The following ZBTB4 variants were observed in gnomAD, a reference collection of about 807,000 sequenced individuals.
ZBTB4 encodes zinc finger and BTB domain containing 4, also known as zinc finger and BTB domain-containing protein 4.
ZBTB4 carries 14 observed loss-of-function variants against 59.8 expected under a neutral mutation model. That is an observed-to-expected ratio of 0.23 (90% CI 0.15 to 0.37). ZBTB4 has a LOEUF of 0.37. Ranked by LOEUF, ZBTB4 falls within the 10% of genes least tolerant of loss-of-function variation. The probability of loss-of-function intolerance (pLI) is 1.00; values close to 1 mark genes in which losing one functional copy is unlikely to be tolerated. For synonymous variants in ZBTB4, 587 were observed against 575.2 expected (o/e 1.02, Z -0.29); for missense variants, 1,198 against 1,380.8 (o/e 0.87, Z 2.10).
At chr17:7,472,343 A>G (rs540631441) in intron 1 of ZBTB4, among the ~76,000 whole-genome samples, 7 of 152,112 alleles carry the variant, frequency 4.6e-5, no homozygotes, top group Admixed American at 3.3e-4. Flanking sequence ...GGCGCCTGCC[A>G]CCACGTCCGG....
chr17:7,481,425 C>A (rs1194951789), upstream of ZBTB4: 2 of 1,375,160 alleles, frequency 1.5e-6, no homozygotes, highest in Non-Finnish European at 1.9e-6. Context: ...CAGGGAAGAA[C>A]CCCACCCCCA....
upstream of ZBTB4, chr17:7,483,104 G>A (rs1196427513): frequency 1.9e-6 from 3 of 1,549,430 alleles, no homozygotes; most frequent in East Asian, 7.1e-5. Context: ...AACTGGTGTG[G>A]GAGAGGGATA....
intron 1 of ZBTB4, among the ~76,000 whole-genome samples, chr17:7,476,687 C>T (rs1396113137): frequency 6.6e-6 from 1 of 152,188 alleles, no homozygotes; most frequent in Non-Finnish European, 1.5e-5. Context: ...AACGATCATT[C>T]CTTCCTCTGA....
At chr17:7,482,125 G>C (rs1220457369), upstream of ZBTB4, 1 of 1,614,040 alleles carries the variant, frequency 6.2e-7, no homozygotes, top group African/African-American at 1.3e-5. Context: ...TGCTGGGTGG[G>C]GGCCTGCCTG....
intron 1 of ZBTB4, among the ~76,000 whole-genome samples, chr17:7,468,039 C>T (rs1296298585): frequency 6.6e-6 from 1 of 152,236 alleles, no homozygotes; most frequent in East Asian, 1.9e-4. Context: ...GGCAGAATCA[C>T]AACTCCTACC....
intron 1 of ZBTB4, among the ~76,000 whole-genome samples, chr17:7,471,898 GTTTT>G (rs914502451): frequency 6.6e-6 from 1 of 152,168 alleles, no homozygotes; most frequent in Non-Finnish European, 1.5e-5. Context: ...TGGTTTTAGA[GTTTT>G]TTATTTGTTT....
intron 1 of ZBTB4, among the ~76,000 whole-genome samples, chr17:7,476,269 TTCTTCTACCAGGCAGTCAAGGGC>T (rs1355064409): frequency 6.6e-6 from 1 of 152,190 alleles, no homozygotes; most frequent in African/African-American, 2.4e-5. Context: ...AAAGTTCAAA[TTCTTCTACCAGGCAGTCAAGGGC>T]TCTGGTCTAG....
upstream of ZBTB4, chr17:7,483,037 G>A: frequency 3.7e-6 from 6 of 1,611,794 alleles, no homozygotes; most frequent in Non-Finnish European, 5.1e-6. Context: ...GGGAGGGACA[G>A]GGATAAATAG....
chr17:7,463,394 C>G lies in ZBTB4; in HGVS notation c.1588G>C (p.Ala530Pro). The change falls in exon 4 of 4, where the codon GCA (alanine) becomes CCA (proline). Residue 530 changes from alanine to proline, a missense_variant. Ala to Pro is a conservative substitution (Grantham distance 27). Transcript: ENST00000380599. Reference sequence around the variant, plus strand: ...GTGGCTGGGCTGGTGGGTGTGGCTGCAGGCTCAGGGGGAGGAGGTGGGTAT... The same window carrying G: ...GTGGCTGGGCTGGTGGGTGTGGCTGGAGGCTCAGGGGGAGGAGGTGGGTAT... ...REYPPPPPEP[A>P]ATPTSPATAV... is the part of the protein sequence containing the mutation. 6.3e-7 allele frequency: 1 copy of G among 1,593,222 alleles called. No individual in the cohort carries two copies. Among genetic ancestry groups the G allele is most frequent in the Non-Finnish European group, 8.5e-7 (1 of 1,170,114 alleles).
rs1015371674 is a variant in ZBTB4, at chr17:7,466,457, G to C, written c.345C>G (p.Ala115=). Reference sequence around the variant, plus strand: ...GGGGTGGGGAAGAAGCAGGGGGAGAGGCTGGAGGGGGAGAGGAAGAGGAAG... The same window carrying C: ...GGGGTGGGGAAGAAGCAGGGGGAGACGCTGGAGGGGGAGAGGAAGAGGAAG... ...SSSSSSSPPP[A]SPPASSPPRV... The change falls in exon 3 of 4, where the codon GCC becomes GCG. Residue 115 remains alanine (A), a synonymous_variant. Coordinates refer to ENST00000380599, the MANE Select transcript of ZBTB4 (RefSeq NM_001128833.2). This position sits in a 1 kb window ranked among gnomAD's most constrained non-coding sequence, Gnocchi z 9.1. 6.2e-7 allele frequency: 1 copy of C among 1,612,648 alleles called. No homozygotes were observed. The highest frequency in any genetic ancestry group is 1.3e-5 in the African/African-American group (1 of 75,000).
At chr17:7,473,305 C>T (rs1489589681) in intron 1 of ZBTB4, among the ~76,000 whole-genome samples, 3 of 151,628 alleles carry the variant, frequency 2.0e-5, no homozygotes, top group East Asian at 1.9e-4. Flanking sequence ...TTAGTAGAGA[C>T]GGGGTTTCAC....
At chr17:7,472,126 C>T (rs968579113) in intron 1 of ZBTB4, among the ~76,000 whole-genome samples, 1 of 152,142 alleles carries the variant, frequency 6.6e-6, no homozygotes. Flanking sequence ...CTGGCCACTC[C>T]CCACCTTCTA....
chr17:7,463,656 G>A lies in ZBTB4; in HGVS notation c.1326C>T (p.Thr442=), dbSNP rs559193443. 1.9e-6 allele frequency: 3 copies of A among 1,613,406 alleles called. No individual in the cohort carries two copies. The highest frequency in any genetic ancestry group is 2.2e-5 in the East Asian group (1 of 44,884). ...QGAPEAPLSP[T]LNTPAPVAMP... ...TTGCCACAGGGGCCGGTGTGTTGAG[G>A]GTTGGAGAAAGGGGAGCCTCCGGGG... The change falls in exon 4 of 4, where the codon ACC becomes ACT. Residue 442 remains threonine (T), a synonymous_variant. Coordinates refer to ENST00000380599, the MANE Select transcript of ZBTB4 (RefSeq NM_001128833.2).
At position 7,462,434 on chromosome 17, in the gene ZBTB4, G is replaced by T. The variant is rs1352291069; in HGVS notation, c.2548C>A (p.Pro850Thr). The T allele has an allele frequency of 6.2e-7, 1 of 1,613,768 alleles. No individual in the cohort carries two copies. The highest frequency in any genetic ancestry group is 8.5e-7 in the Non-Finnish European group (1 of 1,180,006). Residue 850 changes from proline to threonine, a missense_variant, in exon 4 of 4, where the codon CCT becomes ACT. By Grantham distance (38) the Pro-to-Thr change is conservative (BLOSUM62 -1). This residue lies in a region of ZBTB4 where 211 missense variants were observed against 236.1 expected (regional missense o/e 0.89). Transcript: ENST00000380599. The surrounding 1 kb of genome is among the most constrained non-coding windows in gnomAD (Gnocchi z 7.5). ...GGCTCCTCACCCCCTGAAATGATAG[G>T]GTCCTGGAGTGAGGCGGTCTCGGAA... ...EASETASLQD[P>T]IISGGEEPPV...
In ZBTB4 at chr17:7,462,454, T is replaced by G. The variant is rs1399646583; in HGVS notation, c.2528A>C (p.Glu843Ala). The G allele has an allele frequency of 6.2e-7, 1 of 1,613,856 alleles. No individual in the cohort carries two copies. Among genetic ancestry groups the G allele is most frequent in the Admixed American group, 1.7e-5 (1 of 60,014 alleles). Residue 843 changes from glutamate to alanine, a missense_variant, in exon 4 of 4, where the codon GAG becomes GCG. Physicochemically the swap from Glu to Ala is moderately radical, Grantham distance 107. Around this residue, in one of 9 missense-constraint regions of ZBTB4, gnomAD observed 211 missense variants for 236.1 expected, o/e 0.89. Transcript: ENST00000380599. The surrounding 1 kb of genome is among the most constrained non-coding windows in gnomAD (Gnocchi z 7.5). ...GATAGGGTCCTGGAGTGAGGCGGTC[T>G]CGGAAGCTTCCTCAGCAGCAGTGCT... ...GGSTAAEEAS[E>A]TASLQDPIIS...
upstream of ZBTB4, chr17:7,483,381 G>A (rs2070372807): frequency 3.3e-6 from 1 of 302,316 alleles, no homozygotes; most frequent in Admixed American, 4.9e-5. Flanking sequence ...GTGGGGGAGG[G>A]GAGCGTGCCT....
upstream of ZBTB4, among the ~76,000 whole-genome samples, chr17:7,479,845 G>A (rs1215276986): frequency 1.3e-5 from 2 of 151,904 alleles, no homozygotes; most frequent in Non-Finnish European, 2.9e-5. Flanking sequence ...GCGGGGCGCG[G>A]GCCGGGCTGC....
Position 7,465,893 on chromosome 17 carries a change from C to T in ZBTB4, c.909G>A (p.Val303=). The change falls in exon 3 of 4, where the codon GTG becomes GTA. Residue 303 remains valine (V), a synonymous_variant. Transcript: ENST00000380599. ...CGCACACATACAGCACGTGGCCGCCCACCACCTTCACCACGTGCTCGGGGC... is the reference window on the plus strand; with the variant it reads ...CGCACACATACAGCACGTGGCCGCCTACCACCTTCACCACGTGCTCGGGGC... The part of the protein sequence containing the change: ...RGGPEHVVKV[V]GGHVLYVCAA... 6.2e-7 allele frequency: 1 copy of T among 1,613,222 alleles called. No homozygotes were observed. The highest frequency in any genetic ancestry group is 2.2e-5 in the East Asian group (1 of 44,870).
upstream of ZBTB4, among the ~76,000 whole-genome samples, chr17:7,480,760 CA>C (rs2070334792): frequency 6.6e-6 from 1 of 151,924 alleles, no homozygotes; most frequent in South Asian, 2.1e-4. Context: ...TGAAACCATG[CA>C]AGATATAAAT....
Sources: gnomAD v4.1 joint callset for allele counts (sites outside exome capture counted in the v4.1 genomes callset) on GRCh38, gnomAD v4.1.1 for gene constraint, gnomAD v4.1.1 regional missense constraint, Gnocchi (gnomAD v3.1) non-coding constraint, MANE v1.5 for transcripts, NCBI Gene and HGNC (gene_info 2026-07-23, HGNC 2026-07-21) for gene names.